Variants in CHN2 observed in about 807,000 individuals in gnomAD.
The protein encoded by CHN2 is beta-chimaerin.
Under a neutral mutation model 56.3 loss-of-function variants are expected in CHN2, and 35 were observed. The ratio of observed to expected loss-of-function variants is 0.62; its 90% CI spans 0.47 to 0.82. The LOEUF (loss-of-function observed/expected upper bound fraction) is 0.82. Among genes scored for constraint, CHN2 ranks in the 40% least tolerant of loss-of-function variants. The pLI is 0.00. For missense variants in CHN2, 491 were observed against 580.5 expected, an observed-to-expected ratio of 0.85 and a Z score of 1.58; for synonymous variants, 210 against 212.8, an observed-to-expected ratio of 0.99 and a Z score of 0.12.
intron 2 of CHN2, among the ~76,000 whole-genome samples, chr7:29,167,523 G>A (rs1433565696): frequency 2.0e-5 from 3 of 152,148 alleles, no homozygotes; most frequent in Admixed American, 2.0e-4. Context: ...TCTAAAGTAT[G>A]TATCTTAGAG....
chr7:29,305,476 A>T (rs1476298209), intron 1 of CHN2, among the ~76,000 whole-genome samples: 5 of 151,884 alleles, frequency 3.3e-5, no homozygotes, highest in African/African-American at 1.2e-4. Context: ...TTTAGTTTTG[A>T]TACTTATCGT....
intron 6 of CHN2, among the ~76,000 whole-genome samples, chr7:29,423,525 C>T (rs1804549359): frequency 6.6e-6 from 1 of 152,242 alleles, no homozygotes; most frequent in South Asian, 2.1e-4. Flanking sequence ...ATCTTGCATC[C>T]TGTGCATGCC....
At chr7:29,209,173 C>T (rs550060240) in intron 1 of CHN2, among the ~76,000 whole-genome samples, 1 of 152,228 alleles carries the variant, frequency 6.6e-6, no homozygotes, top group East Asian at 1.9e-4. Context: ...ATGGTCCAGC[C>T]TCTCCTGAAG....
At chr7:29,356,886 G>T (rs1458712763) in intron 2 of CHN2, among the ~76,000 whole-genome samples, 3 of 152,212 alleles carry the variant, frequency 2.0e-5, no homozygotes, top group African/African-American at 7.2e-5. Flanking sequence ...GAGGCATTGG[G>T]TGTTCCATGA....
At chr7:29,359,213 T>C (rs1458857567) in intron 2 of CHN2, among the ~76,000 whole-genome samples, 4 of 152,172 alleles carry the variant, frequency 2.6e-5, no homozygotes, top group African/African-American at 9.7e-5. Context: ...CAGGAAAGGA[T>C]CAACCCCATA....
Position 29,512,561 on chromosome 7 carries a change from C to T in CHN2, c.1236-3C>T. ...GTCTCTGTTCTATATGTTTGTTTTGCAGGGTTACTATGAATGAAAAAGACA... is the reference window on the plus strand; with the variant it reads ...GTCTCTGTTCTATATGTTTGTTTTGTAGGGTTACTATGAATGAAAAAGACA... On this transcript the variant is annotated splice_region_variant and splice_polypyrimidine_tract_variant and intron_variant, in intron 12 of 12. Coordinates refer to ENST00000222792, the MANE Select transcript of CHN2 (RefSeq NM_004067.4). The T allele has an allele frequency of 6.2e-7, 1 of 1,608,468 alleles. No homozygotes were observed. The highest frequency in any genetic ancestry group is 8.5e-7 in the Non-Finnish European group (1 of 1,177,716).
chr7:29,347,957 A>G (rs940605937), intron 1 of CHN2, among the ~76,000 whole-genome samples: 3 of 152,230 alleles, frequency 2.0e-5, no homozygotes, highest in Admixed American at 6.5e-5. Flanking sequence ...TATTCACAGA[A>G]CAAAATCTGG....
At chr7:29,378,747 C>T (rs1455041779) in intron 3 of CHN2, among the ~76,000 whole-genome samples, 2 of 152,190 alleles carry the variant, frequency 1.3e-5, no homozygotes, top group South Asian at 2.1e-4. Flanking sequence ...AGGCAGATCA[C>T]GAGGTTAGGA....
chr7:29,467,714 C>T (rs1224481125), intron 6 of CHN2, among the ~76,000 whole-genome samples: 1 of 152,102 alleles, frequency 6.6e-6, no homozygotes, highest in Non-Finnish European at 1.5e-5. Flanking sequence ...GCTCTGGGTT[C>T]AATTCCTAGT....
At chr7:29,414,221 A>G (rs918864100) in intron 6 of CHN2, among the ~76,000 whole-genome samples, 2 of 152,208 alleles carry the variant, frequency 1.3e-5, no homozygotes, top group African/African-American at 4.8e-5. Context: ...CCTGAAGGTT[A>G]GGAAGTGATG....
chr7:29,319,834 C>T (rs139744082), intron 1 of CHN2, among the ~76,000 whole-genome samples: 90 of 152,268 alleles, frequency 5.9e-4, no homozygotes, highest in Non-Finnish European at 9.7e-4. Flanking sequence ...GGCACCAAGC[C>T]CTTCGTCACA....
Position 29,504,784 on chromosome 7 carries a change from T to C in CHN2, c.954T>C (p.Thr318=). The part of the protein sequence containing the change: ...SEGLYRVSGF[T]EHIEDVKMAF... ...GCCTTTACAGAGTCTCTGGGTTCACTGAACACATTGAAGATGTCAAAATGG... is the reference window on the plus strand; with the variant it reads ...GCCTTTACAGAGTCTCTGGGTTCACCGAACACATTGAAGATGTCAAAATGG... The change falls in exon 10 of 13, where the codon ACT becomes ACC. Residue 318 remains threonine (T), a synonymous_variant. Coordinates refer to ENST00000222792, the MANE Select transcript of CHN2 (RefSeq NM_004067.4). The C allele has an allele frequency of 6.2e-7, 1 of 1,613,464 alleles. No homozygotes were observed. Among genetic ancestry groups the C allele is most frequent in the Non-Finnish European group, 8.5e-7 (1 of 1,179,730 alleles).
At chr7:29,411,320 T>C (rs1000775219) in intron 6 of CHN2, among the ~76,000 whole-genome samples, 4 of 152,254 alleles carry the variant, frequency 2.6e-5, no homozygotes, top group African/African-American at 9.6e-5. Context: ...AGCCTATTAT[T>C]TTCCTTCTTT....
At chr7:29,184,684 G>A (rs1480050670) in intron 2 of CHN2, 1 of 152,174 alleles carries the variant, frequency 6.6e-6, no homozygotes, top group African/African-American at 2.4e-5. Context: ...CATACTGGGG[G>A]AAAATCTGTG....
intron 7 of CHN2, chr7:29,484,072 T>G (rs1787677573): frequency 2.3e-6 from 1 of 433,696 alleles, no homozygotes; most frequent in Admixed American, 3.0e-5. Flanking sequence ...TTTTCTACCC[T>G]CTCTTCTTCA....
Position 29,219,023 on chromosome 7 carries a change from C to G in CHN2, c.49+24033C>G, listed in dbSNP as rs149972088. 3.1e-3 allele frequency among the ~76,000 whole-genome samples: 475 copies of G among 152,076 alleles called. 4 individuals are homozygous for G. The highest frequency in any genetic ancestry group is 0.011 in the African/African-American group (447 of 41,506). ...TTCTAATACAGACAAGAAGTTTAGG[C>G]TGTTTTAAATGTGGGCAGGCTCTGT... On this transcript the variant is annotated intron_variant, in intron 1 of 12. Transcript: ENST00000222792.
chr7:29,343,585 G>C (rs573863318), intron 1 of CHN2, among the ~76,000 whole-genome samples: 5 of 152,084 alleles, frequency 3.3e-5, no homozygotes, highest in Non-Finnish European at 7.4e-5. Context: ...TATCTCACTG[G>C]AGCAGCTGCT....
At chr7:29,396,271 G>T in intron 4 of CHN2, among the ~76,000 whole-genome samples, 1 of 151,542 alleles carries the variant, frequency 6.6e-6, no homozygotes, top group East Asian at 2.0e-4. Context: ...GGTGAGACCC[G>T]CCCCCACTCC....
intron 6 of CHN2, among the ~76,000 whole-genome samples, chr7:29,462,056 A>G (rs1207008824): frequency 3.3e-5 from 5 of 152,340 alleles, no homozygotes; most frequent in Admixed American, 2.0e-4. Flanking sequence ...TTTTCTCATA[A>G]TAGAAAAAAT....
Sources: gnomAD v4.1 joint callset for allele counts (sites outside exome capture counted in the v4.1 genomes callset) on GRCh38, gnomAD v4.1.1 for gene constraint, MANE v1.5 for transcripts, NCBI Gene and HGNC (gene_info 2026-07-23, HGNC 2026-07-21) for gene names.